The following MICAL2 variants were observed in gnomAD, a reference collection of about 807,000 sequenced individuals.
The protein encoded by MICAL2 is microtubule associated monooxygenase, calponin and LIM domain containing 2, also known as [F-actin]-monooxygenase MICAL2.
In MICAL2, 77 loss-of-function variants were observed where a neutral mutation model predicts 127.3. The observed-to-expected ratio is 0.60, with a 90% CI of 0.50 to 0.73. The LOEUF (loss-of-function observed/expected upper bound fraction) is 0.73, where lower values mean the gene tolerates loss of function less well. Ranked by LOEUF, MICAL2 falls within the 30% of genes least tolerant of loss-of-function variation. The pLI, the probability that MICAL2 is intolerant of heterozygous loss-of-function variation, is 0.00. For synonymous variants in MICAL2, 570 were observed against 551.1 expected (o/e 1.03, Z -0.48); for missense variants, 1,351 against 1,434.4 (o/e 0.94, Z 0.94).
intron 3 of MICAL2, among the ~76,000 whole-genome samples, chr11:12,200,422 G>A (rs1013824568): frequency 6.6e-6 from 1 of 152,210 alleles, no homozygotes; most frequent in African/African-American, 2.4e-5. Flanking sequence ...CAGTGGGCAT[G>A]CTGGGGAAGT....
rs573224443 is a variant in MICAL2 at position 12,249,206 on chromosome 11, T to C, written c.2807T>C (p.Phe936Ser). The change falls in exon 22 of 28, where the codon TTC (phenylalanine) becomes TCC (serine). Residue 936 changes from phenylalanine to serine, a missense_variant. This residue lies in a region of MICAL2 where 752 missense variants were observed against 719.4 expected (regional missense o/e 1.05). Coordinates refer to ENST00000683283, the MANE Select transcript of MICAL2 (RefSeq NM_001282663.2). ...AAGGAAAAGAAGTCACCTTCAGGGT[T>C]CCATTTTCATCCCAGCCATTTGAGA... Reference protein sequence around the residue: ...ARKEKKSPSGFHFHPSHLRTV... With the variant: ...ARKEKKSPSGSHFHPSHLRTV... The C allele has an allele frequency of 6.2e-7, 1 of 1,613,036 alleles. No homozygotes were observed. Among genetic ancestry groups the C allele is most frequent in the East Asian group, 2.2e-5 (1 of 44,870 alleles).
At chr11:12,321,524 C>A (rs936289467) in intron 30 of MICAL2, among the ~76,000 whole-genome samples, 3 of 152,182 alleles carry the variant, frequency 2.0e-5, no homozygotes, top group Non-Finnish European at 4.4e-5. Context: ...CAGGAAGAGA[C>A]GCAGCAGCTT....
intron 3 of MICAL2, among the ~76,000 whole-genome samples, chr11:12,196,620 A>G (rs1859968720): frequency 6.6e-6 from 1 of 152,124 alleles, no homozygotes. Flanking sequence ...GGCTGCCCTG[A>G]CTGCCTCTCT....
intron 32 of MICAL2, chr11:12,327,270 C>A (rs376171041): frequency 6.5e-7 from 1 of 1,549,018 alleles, no homozygotes; most frequent in African/African-American, 1.4e-5. Context: ...GAAGCAGGTA[C>A]GGCATCCCAG....
intron 30 of MICAL2, among the ~76,000 whole-genome samples, chr11:12,322,828 A>C (rs1488596040): frequency 6.6e-6 from 1 of 152,220 alleles, no homozygotes; most frequent in Non-Finnish European, 1.5e-5. Flanking sequence ...TATAAAAATC[A>C]TGCTATTAGT....
Position 12,338,539 on chromosome 11 carries a change from C to T in MICAL2, c.5515+11273C>T, listed in dbSNP as rs576000266. Reference sequence around the variant, plus strand: ...TTTTGCTCGTTAGTTGATGCGGTTTCTTCCTAGCCTTGATGGTCTTTACAA... The same window carrying T: ...TTTTGCTCGTTAGTTGATGCGGTTTTTTCCTAGCCTTGATGGTCTTTACAA... On this transcript the variant is annotated intron_variant, in intron 32 of 34. Coordinates refer to the MICAL2 transcript ENST00000646065. Among the ~76,000 whole-genome samples, 9 of 152,300 alleles carry T rather than the reference C, an allele frequency of 5.9e-5. No individual in the cohort carries two copies. In the South Asian group the frequency reaches 1.9e-3, roughly 32 times the overall value.
At chr11:12,286,068 C>A (rs34775738) in intron 2 of MICAL2, among the ~76,000 whole-genome samples, 3 of 152,262 alleles carry the variant, frequency 2.0e-5, no homozygotes, top group Non-Finnish European at 4.4e-5. Flanking sequence ...CTCTCACACC[C>A]TAAGTGACCA....
At chr11:12,173,203 C>T (rs1409006956) in intron 3 of MICAL2, among the ~76,000 whole-genome samples, 3 of 152,186 alleles carry the variant, frequency 2.0e-5, no homozygotes, top group Non-Finnish European at 4.4e-5. Flanking sequence ...CTCCTGCTAT[C>T]GGTCTTACAG....
chr11:12,116,932 G>A (rs1827774719), intron 1 of MICAL2: 1 of 152,228 alleles, frequency 6.6e-6, no homozygotes, highest in Admixed American at 6.5e-5. Flanking sequence ...TATGTGGATA[G>A]TGCTGGTGTT....
intron 26 of MICAL2, chr11:12,261,622 G>A (rs1214603564): frequency 8.1e-6 from 8 of 985,394 alleles, no homozygotes; most frequent in Non-Finnish European, 9.6e-6. Flanking sequence ...ACTAAGAGGT[G>A]TGCCTGGGTG....
exon 35 of MICAL2, chr11:12,358,408 A>C: frequency 1.2e-6 from 2 of 1,614,218 alleles, no homozygotes; most frequent in Non-Finnish European, 1.7e-6. Flanking sequence ...ACAACGCATC[A>C]GAGAAAAAGC....
chr11:12,184,365 G>A (rs183347303), intron 3 of MICAL2, among the ~76,000 whole-genome samples: 182 of 152,268 alleles, frequency 1.2e-3, no homozygotes, highest in Non-Finnish European at 2.1e-3. Context: ...GGTTAAGTAC[G>A]GGCATCTGTG....
chr11:12,239,517 A>G lies in MICAL2; in HGVS notation c.2146A>G (p.Lys716Glu), dbSNP rs372735127. ...SKEGGNQNKV[K>E]SMANQLLAKF... ...GGAAGGTGGAAATCAGAACAAAGTC[A>G]AGTCCATGGCGAATCAGCTGCTGGC... is the stretch of plus-strand genomic sequence containing the variant. Residue 716 changes from lysine to glutamate, a missense_variant, in exon 17 of 28, where the codon AAG (lysine) becomes GAG (glutamate). Around this residue, in one of 2 missense-constraint regions of MICAL2, gnomAD observed 752 missense variants for 719.4 expected, o/e 1.05. Coordinates refer to ENST00000683283, the MANE Select transcript of MICAL2 (RefSeq NM_001282663.2). 2 of 1,614,244 alleles carry G rather than the reference A, an allele frequency of 1.2e-6. No homozygotes were observed. Among genetic ancestry groups the G allele is most frequent in the Non-Finnish European group, 1.7e-6 (2 of 1,180,046 alleles).
intron 32 of MICAL2, among the ~76,000 whole-genome samples, chr11:12,346,162 A>G (rs960986839): frequency 1.3e-5 from 2 of 152,198 alleles, no homozygotes; most frequent in African/African-American, 2.4e-5. Context: ...CGTCCCATGG[A>G]TAATTATAGA....
At chr11:12,217,613 G>A (rs1299397902) in intron 8 of MICAL2, among the ~76,000 whole-genome samples, 1 of 152,126 alleles carries the variant, frequency 6.6e-6, no homozygotes, top group Non-Finnish European at 1.5e-5. Context: ...GCAGAGGAGA[G>A]GTTAGGCAGG....
chr11:12,220,083 G>T, intron 8 of MICAL2, 118 bp from the exon 9 acceptor site: 3 of 1,212,274 alleles, frequency 2.5e-6, no homozygotes, highest in South Asian at 1.5e-5. Context: ...GTTTTTATAT[G>T]TCTTTTCTGA....
chr11:12,257,082 G>C, intron 24 of MICAL2, 111 bp downstream of exon 24: 1 of 1,177,024 alleles, frequency 8.5e-7, no homozygotes, highest in Non-Finnish European at 1.2e-6. Flanking sequence ...ATACCCAAAA[G>C]GAAGTATGAT....
intron 3 of MICAL2, among the ~76,000 whole-genome samples, chr11:12,174,263 G>A (rs1235739326): frequency 2.2e-4 from 33 of 151,402 alleles, no homozygotes; most frequent in Admixed American, 2.2e-3. Flanking sequence ...TTTACATTGT[G>A]GTACACCCAT....
intron 2 of MICAL2, among the ~76,000 whole-genome samples, chr11:12,148,814 G>C (rs1380713384): frequency 8.4e-6 from 1 of 118,794 alleles, no homozygotes. Flanking sequence ...TGTAGAAAAG[G>C]GGGCCCAGGG....
Sources: gnomAD v4.1 joint callset for allele counts (sites outside exome capture counted in the v4.1 genomes callset) on GRCh38, gnomAD v4.1.1 for gene constraint, gnomAD v4.1.1 regional missense constraint, MANE v1.5 for transcripts, NCBI Gene and HGNC (gene_info 2026-07-23, HGNC 2026-07-21) for gene names.